The following PTPN3 variants were observed in gnomAD, a reference collection of about 807,000 sequenced individuals.
PTPN3 encodes tyrosine-protein phosphatase non-receptor type 3.
Under a neutral mutation model 132.7 loss-of-function variants are expected in PTPN3, and 96 were observed. The ratio of observed to expected loss-of-function variants is 0.72; its 90% CI spans 0.61 to 0.86. The LOEUF is 0.86. Among genes scored for constraint, PTPN3 ranks in the 40% least tolerant of loss-of-function variants. The probability of loss-of-function intolerance (pLI) is 0.00; values close to 1 mark genes in which losing one functional copy is unlikely to be tolerated. For synonymous variants in PTPN3, 398 were observed against 429.0 expected, an observed-to-expected ratio of 0.93 and a Z score of 0.89; for missense variants, 1,125 against 1,159.6, an observed-to-expected ratio of 0.97 and a Z score of 0.43.
chr9:109,379,566 T>C lies in PTPN3; in HGVS notation c.2732A>G (p.Asp911Gly), dbSNP rs150328766. ...TTTTTCACAGTTGTCTTAACTAGGA[T>C]CCAGCATTTGGACTAAACCTTCTTC... is the stretch of plus-strand genomic sequence containing the variant. ...VYEEGLVQML[D>G]PS Residue 911 changes from aspartate to glycine, a missense_variant, in exon 26 of 26, where the codon GAT becomes GGT. Coordinates refer to ENST00000374541, the MANE Select transcript of PTPN3 (RefSeq NM_002829.4). 17 of 1,613,548 alleles carry C rather than the reference T, an allele frequency of 1.1e-5. No individual in the cohort carries two copies. In the African/African-American group the frequency reaches 1.6e-4, roughly 15 times the overall value.
chr9:109,382,178 A>G (rs1186483092), intron 24 of PTPN3, 124 bp downstream of exon 24: 6 of 1,225,358 alleles, frequency 4.9e-6, no homozygotes, highest in Non-Finnish European at 6.8e-6. Context: ...ACCACAGTCA[A>G]CAGAGGTTTG....
At chr9:109,526,695 T>G in the PTPN3 span, among the ~76,000 whole-genome samples, 1 of 151,842 alleles carries the variant, frequency 6.6e-6, no homozygotes, top group Admixed American at 6.6e-5. Flanking sequence ...TAAACAAAAT[T>G]TATGTGAGAG....
the PTPN3 span, among the ~76,000 whole-genome samples, chr9:109,513,449 C>T: frequency 6.6e-6 from 1 of 152,190 alleles, no homozygotes; most frequent in Admixed American, 6.5e-5. Context: ...AGACATTTAT[C>T]CTGTTCCCCC....
Position 109,426,935 on chromosome 9 carries a change from T to G in PTPN3, c.1001+15A>C. On this transcript the variant is annotated intron_variant, in intron 12 of 25. Transcript: ENST00000374541. ...TCTCAGCCTAGTGTGGACACAGTCT[T>G]TACAGCACACTCACTTTTTGGTGTT... 1 of 1,599,844 alleles carries G rather than the reference T, an allele frequency of 6.3e-7. No homozygotes were observed. Among genetic ancestry groups the G allele is most frequent in the East Asian group, 2.2e-5 (1 of 44,818 alleles).
chr9:109,411,120 C>G (rs546485986), intron 14 of PTPN3, among the ~76,000 whole-genome samples: 44 of 152,264 alleles, frequency 2.9e-4, no homozygotes, highest in African/African-American at 9.4e-4. Flanking sequence ...CAGTGGCTCC[C>G]GTATGAGACA....
the PTPN3 span, among the ~76,000 whole-genome samples, chr9:109,507,579 A>G: frequency 6.6e-6 from 1 of 152,176 alleles, no homozygotes; most frequent in African/African-American, 2.4e-5. Context: ...CATTTTTTCC[A>G]TGGTACACAC....
intron 13 of PTPN3, among the ~76,000 whole-genome samples, chr9:109,421,552 A>T (rs1288295578): frequency 4.6e-5 from 7 of 152,042 alleles, no homozygotes; most frequent in Non-Finnish European, 1.0e-4. Context: ...GGCAACATCC[A>T]ACCCCGCTGT....
At chr9:109,534,142 A>G in the PTPN3 span, 3 of 809,800 alleles carry the variant, frequency 3.7e-6, no homozygotes, top group Non-Finnish European at 6.6e-6. Flanking sequence ...GAACCATTTT[A>G]CTGTTCCCAA....
chr9:109,496,513 G>A (rs1441651160), intron 1 of PTPN3, among the ~76,000 whole-genome samples: 1 of 152,190 alleles, frequency 6.6e-6, no homozygotes, highest in Non-Finnish European at 1.5e-5. Context: ...GAGCCTCCAT[G>A]TCCTCATCTG....
rs1222468110 is a variant in PTPN3, at chr9:109,449,475, C to T, written c.369-620G>A. 3.0e-6 allele frequency: 3 copies of T among 985,376 alleles called. No individual in the cohort carries two copies. In the Admixed American group the frequency reaches 1.8e-4, roughly 61 times the overall value. The allele number at this position is 985,376 out of a possible 1,614,324, so 61.0% of individuals were successfully genotyped here. On this transcript the variant is annotated intron_variant, in intron 5 of 25. Coordinates refer to ENST00000374541, the MANE Select transcript of PTPN3 (RefSeq NM_002829.4). Reference sequence around the variant, plus strand: ...GAATTCTGCACTCATCTCTGGGCAACCAGCAAATGTAACTTCCAAACTCCA... The same window carrying T: ...GAATTCTGCACTCATCTCTGGGCAATCAGCAAATGTAACTTCCAAACTCCA...
intron 1 of PTPN3, among the ~76,000 whole-genome samples, chr9:109,480,312 C>T (rs901560294): frequency 6.6e-6 from 1 of 152,086 alleles, no homozygotes; most frequent in Non-Finnish European, 1.5e-5. Flanking sequence ...GGACTACAGG[C>T]ACACACCACA....
intron 22 of PTPN3, among the ~76,000 whole-genome samples, chr9:109,388,056 G>A (rs1030146708): frequency 2.6e-5 from 4 of 152,182 alleles, no homozygotes; most frequent in African/African-American, 9.6e-5. Context: ...GTGGACTCCA[G>A]CCAGCTGCAC....
chr9:109,522,870 T>G, the PTPN3 span, among the ~76,000 whole-genome samples: 1 of 152,180 alleles, frequency 6.6e-6, no homozygotes, highest in African/African-American at 2.4e-5. Context: ...ATATAATTAA[T>G]ATGTCCCACT....
chr9:109,532,140 A>G, the PTPN3 span, among the ~76,000 whole-genome samples: 4 of 152,320 alleles, frequency 2.6e-5, no homozygotes, highest in South Asian at 4.1e-4. Flanking sequence ...CTTAGCACTG[A>G]AAGTCCAGAA....
chr9:109,455,673 C>A (rs1308820957), intron 4 of PTPN3, among the ~76,000 whole-genome samples: 1 of 152,184 alleles, frequency 6.6e-6, no homozygotes, highest in African/African-American at 2.4e-5. Context: ...ACCTCCCCTC[C>A]CCCTCTTCTA....
At chr9:109,436,003 A>C (rs1325780639) in intron 9 of PTPN3, among the ~76,000 whole-genome samples, 1 of 152,228 alleles carries the variant, frequency 6.6e-6, no homozygotes, top group East Asian at 1.9e-4. Context: ...CTCAATCTCT[A>C]TGAGCCTCGG....
At position 109,406,634 on chromosome 9, in the gene PTPN3, A is replaced by G; in HGVS notation, c.1636-16T>C. ...AGGTGTCCGCCTGGGTGGTGGGGAA[A>G]AGCGAGTTTCTCCTGTTACCATAAC... On this transcript the variant is annotated splice_polypyrimidine_tract_variant and intron_variant, in intron 17 of 25. Coordinates refer to ENST00000374541, the MANE Select transcript of PTPN3 (RefSeq NM_002829.4). 6.2e-7 allele frequency: 1 copy of G among 1,613,370 alleles called. No homozygotes were observed. Among genetic ancestry groups the G allele is most frequent in the Non-Finnish European group, 8.5e-7 (1 of 1,179,396 alleles).
chr9:109,436,835 T>G, intron 9 of PTPN3, 48 bp downstream of exon 9: 1 of 1,570,884 alleles, frequency 6.4e-7, no homozygotes, highest in Non-Finnish European at 8.6e-7. Flanking sequence ...TCTCAGAGAT[T>G]AAAATAAAAA....
At chr9:109,435,301 C>T (rs1243107437) in intron 9 of PTPN3, among the ~76,000 whole-genome samples, 2 of 152,164 alleles carry the variant, frequency 1.3e-5, no homozygotes, top group East Asian at 3.9e-4. Context: ...GGGCAGAACT[C>T]GGTGACTAGT....
Sources: gnomAD v4.1 joint callset for allele counts (sites outside exome capture counted in the v4.1 genomes callset) on GRCh38, gnomAD v4.1.1 for gene constraint, MANE v1.5 for transcripts, NCBI Gene and HGNC (gene_info 2026-07-23, HGNC 2026-07-21) for gene names.